Variants in MEGF11 observed in about 807,000 individuals in gnomAD.
MEGF11 encodes the protein multiple epidermal growth factor-like domains protein 11.
A neutral mutation model predicts 146.6 loss-of-function variants in MEGF11; 126 were observed. The observed-to-expected ratio is 0.86, with a 90% CI of 0.74 to 1.00. MEGF11 has a LOEUF of 1.00. MEGF11 is among the 50% of genes least tolerant of loss of function. The pLI is 0.00. For missense variants in MEGF11, 1,509 were observed against 1,521.2 expected (o/e 0.99, Z 0.13); for synonymous variants, 532 against 583.4 (o/e 0.91, Z 1.27).
At chr15:65,900,796 G>A (rs1197577596) in intron 24 of MEGF11, among the ~76,000 whole-genome samples, 10 of 152,150 alleles carry the variant, frequency 6.6e-5, no homozygotes, top group African/African-American at 9.7e-5. Context: ...CTTTAGTCAC[G>A]TCTTAAGATT....
At chr15:66,110,922 A>G (rs747839642) in intron 4 of MEGF11, among the ~76,000 whole-genome samples, 2 of 152,024 alleles carry the variant, frequency 1.3e-5, no homozygotes, top group Non-Finnish European at 2.9e-5. Context: ...AAACCAGTAT[A>G]GCTTCAGTCC....
At chr15:66,178,459 G>C (rs2090452568) in intron 1 of MEGF11, among the ~76,000 whole-genome samples, 1 of 152,188 alleles carries the variant, frequency 6.6e-6, no homozygotes, top group East Asian at 1.9e-4. Flanking sequence ...ACCCTGGTCT[G>C]TTTAGCTCAC....
chr15:66,024,199 C>G (rs575190380), intron 5 of MEGF11, among the ~76,000 whole-genome samples: 1 of 152,258 alleles, frequency 6.6e-6, no homozygotes, highest in African/African-American at 2.4e-5. Flanking sequence ...TTAAAAGCCA[C>G]AAAGGCCTCC....
At chr15:66,082,892 T>C (rs563741650) in intron 5 of MEGF11, among the ~76,000 whole-genome samples, 3 of 152,194 alleles carry the variant, frequency 2.0e-5, no homozygotes, top group African/African-American at 7.2e-5. Flanking sequence ...AGCTGACACA[T>C]GTGGTGGGCC....
chr15:65,904,842 C>T (rs955799117), intron 24 of MEGF11, among the ~76,000 whole-genome samples: 1 of 152,224 alleles, frequency 6.6e-6, no homozygotes, highest in African/African-American at 2.4e-5. Context: ...GATTCTGGTA[C>T]ACTGTTAGAT....
At chr15:66,097,113 G>A (rs1193613903) in intron 4 of MEGF11, among the ~76,000 whole-genome samples, 1 of 152,174 alleles carries the variant, frequency 6.6e-6, no homozygotes, top group African/African-American at 2.4e-5. Flanking sequence ...CATCGTCCTG[G>A]TATTTTGCCT....
At chr15:65,942,974 CTTTTTTTTTTTT>C (rs58874869) in intron 10 of MEGF11, among the ~76,000 whole-genome samples, 27 of 47,624 alleles carry the variant, frequency 5.7e-4, no homozygotes, top group East Asian at 3.4e-3. Flanking sequence ...AACAACTTGG[CTTTTTTTTTTTT>C]TTTTTTTTTT....
chr15:66,039,311 G>A (rs1246767181), intron 5 of MEGF11, among the ~76,000 whole-genome samples: 5 of 152,220 alleles, frequency 3.3e-5, no homozygotes, highest in Non-Finnish European at 5.9e-5. Flanking sequence ...GGTGGCGGGA[G>A]AGGCTTTGCT....
intron 1 of MEGF11, among the ~76,000 whole-genome samples, chr15:66,137,559 C>CTTTTTT (rs10647289): frequency 2.1e-5 from 3 of 142,170 alleles, no homozygotes; most frequent in South Asian, 2.3e-4. Flanking sequence ...GACTTTCTTT[C>CTTTTTT]TTTTTTTTTT....
chr15:66,120,682 T>A (rs1230620358), intron 3 of MEGF11, among the ~76,000 whole-genome samples: 3 of 152,230 alleles, frequency 2.0e-5, no homozygotes, highest in Admixed American at 2.0e-4. Flanking sequence ...AAACCCATAA[T>A]GGAAGGAAAG....
intron 1 of MEGF11, among the ~76,000 whole-genome samples, chr15:66,202,871 T>C (rs781764222): frequency 6.6e-6 from 1 of 152,170 alleles, no homozygotes; most frequent in Non-Finnish European, 1.5e-5. Context: ...GTATGAACCA[T>C]GTCAGGAAAA....
At chr15:65,951,790 G>A (rs567278186) in intron 10 of MEGF11, among the ~76,000 whole-genome samples, 1 of 152,264 alleles carries the variant, frequency 6.6e-6, no homozygotes, top group East Asian at 1.9e-4. Flanking sequence ...CTTGGGGCCA[G>A]GAGTTCCAGA....
intron 10 of MEGF11, 122 bp from the exon 11 acceptor site, chr15:65,931,065 A>G: frequency 8.3e-7 from 1 of 1,200,836 alleles, no homozygotes; most frequent in Non-Finnish European, 1.1e-6. Flanking sequence ...GGATCTGTGA[A>G]TATGTTACCT....
At chr15:66,170,251 C>G (rs1567271144) in intron 1 of MEGF11, among the ~76,000 whole-genome samples, 1 of 152,178 alleles carries the variant, frequency 6.6e-6, no homozygotes, top group Non-Finnish European at 1.5e-5. Context: ...TGCCTCCTTC[C>G]TGACACCGCT....
intron 5 of MEGF11, among the ~76,000 whole-genome samples, chr15:66,061,626 CCT>C (rs2084910958): frequency 7.5e-6 from 1 of 132,830 alleles, no homozygotes; most frequent in African/African-American, 2.8e-5. Flanking sequence ...GGTGCTAGAA[CCT>C]CTTTTTTTGA....
intron 10 of MEGF11, among the ~76,000 whole-genome samples, chr15:65,931,542 A>G (rs371490662): frequency 2.6e-5 from 4 of 152,196 alleles, no homozygotes; most frequent in African/African-American, 9.6e-5. Flanking sequence ...AAGCCACTAA[A>G]TTGTGATTTT....
intron 1 of MEGF11, among the ~76,000 whole-genome samples, chr15:66,244,315 A>G (rs1380570855): frequency 1.3e-5 from 2 of 152,012 alleles, no homozygotes; most frequent in Non-Finnish European, 2.9e-5. Context: ...CCTGCTCGTT[A>G]CTGGCTCTAC....
intron 1 of MEGF11, among the ~76,000 whole-genome samples, chr15:66,162,070 A>T (rs1597128947): frequency 6.6e-6 from 1 of 152,280 alleles, no homozygotes. Flanking sequence ...CCTATGACAC[A>T]CTTGCTGCCA....
At chr15:66,167,843 C>T (rs917287601) in intron 1 of MEGF11, among the ~76,000 whole-genome samples, 1 of 152,198 alleles carries the variant, frequency 6.6e-6, no homozygotes, top group African/African-American at 2.4e-5. Flanking sequence ...CACGCTGGTG[C>T]CTCTCAGACT....
Sources: allele counts gnomAD v4.1 joint callset (sites outside exome capture counted in the v4.1 genomes callset), GRCh38; gene constraint gnomAD v4.1.1; transcripts MANE v1.5; gene names NCBI Gene and HGNC (gene_info 2026-07-23, HGNC 2026-07-21).